Variants in ADAMTS12 observed in about 807,000 individuals in gnomAD.
The protein encoded by ADAMTS12 is ADAM metallopeptidase with thrombospondin type 1 motif 12.
In ADAMTS12, 118 loss-of-function variants were observed where a neutral mutation model predicts 167.8. The ratio of observed to expected loss-of-function variants is 0.70; its 90% CI spans 0.61 to 0.82. The LOEUF is 0.82. Among genes scored for constraint, ADAMTS12 ranks in the 40% least tolerant of loss-of-function variants. The probability of loss-of-function intolerance (pLI) is 0.00; values close to 1 mark genes in which losing one functional copy is unlikely to be tolerated. For missense variants in ADAMTS12, 1,916 were observed against 1,998.8 expected (o/e 0.96, Z 0.79); for synonymous variants, 704 against 716.9 (o/e 0.98, Z 0.29).
intron 2 of ADAMTS12, among the ~76,000 whole-genome samples, chr5:33,872,427 G>C (rs1750073855): frequency 6.6e-6 from 1 of 151,928 alleles, no homozygotes; most frequent in Non-Finnish European, 1.5e-5. Flanking sequence ...CACCCCTGTA[G>C]TCCCAGCTAC....
At chr5:33,738,326 G>C (rs930516432) in intron 3 of ADAMTS12, among the ~76,000 whole-genome samples, 2 of 151,236 alleles carry the variant, frequency 1.3e-5, no homozygotes, top group Non-Finnish European at 3.0e-5. Flanking sequence ...TTGTTTGTTT[G>C]GTTACTCAGG....
chr5:33,535,020 G>C, intron 22 of ADAMTS12, 28 bp from the exon 23 acceptor site: 1 of 1,571,280 alleles, frequency 6.4e-7, no homozygotes, highest in Non-Finnish European at 8.6e-7. Flanking sequence ...CAGAGAGTCA[G>C]AAGTCCTCCC....
intron 2 of ADAMTS12, among the ~76,000 whole-genome samples, chr5:33,785,348 C>T (rs1322836004): frequency 6.6e-6 from 1 of 151,894 alleles, no homozygotes; most frequent in African/African-American, 2.4e-5. Context: ...AAACTTTGCT[C>T]TCAAAATATG....
At chr5:33,680,387 A>T (rs902871403) in intron 5 of ADAMTS12, among the ~76,000 whole-genome samples, 1 of 152,202 alleles carries the variant, frequency 6.6e-6, no homozygotes, top group South Asian at 2.1e-4. Context: ...TGGAAGCCAC[A>T]TTATGAAATC....
chr5:33,792,788 T>G (rs1370388106), intron 2 of ADAMTS12, among the ~76,000 whole-genome samples: 1 of 152,252 alleles, frequency 6.6e-6, no homozygotes, highest in Non-Finnish European at 1.5e-5. Flanking sequence ...AGGGACAACT[T>G]GGTGAGCAGA....
chr5:33,545,132 G>T (rs1428663003), intron 22 of ADAMTS12, among the ~76,000 whole-genome samples: 2 of 152,174 alleles, frequency 1.3e-5, no homozygotes, highest in East Asian at 3.8e-4. Context: ...CTAATATCCA[G>T]AATCTGCAAA....
At chr5:33,704,882 T>C (rs1307808518) in intron 3 of ADAMTS12, among the ~76,000 whole-genome samples, 2 of 152,154 alleles carry the variant, frequency 1.3e-5, no homozygotes, top group Non-Finnish European at 2.9e-5. Context: ...CCTATACTTT[T>C]GGTTTTATAA....
intron 1 of ADAMTS12, among the ~76,000 whole-genome samples, chr5:33,888,934 C>CTGGA (rs1191204123): frequency 6.6e-6 from 1 of 152,228 alleles, no homozygotes; most frequent in Non-Finnish European, 1.5e-5. Context: ...CCAGAAAGGA[C>CTGGA]TGGATTTATC....
At chr5:33,688,622 A>G (rs1239054472) in intron 3 of ADAMTS12, among the ~76,000 whole-genome samples, 2 of 152,212 alleles carry the variant, frequency 1.3e-5, no homozygotes, top group African/African-American at 4.8e-5. Flanking sequence ...GCCTTGACGA[A>G]GCCACACAGA....
At chr5:33,759,501 A>C (rs1338535798) in intron 2 of ADAMTS12, among the ~76,000 whole-genome samples, 1 of 152,190 alleles carries the variant, frequency 6.6e-6, no homozygotes, top group Non-Finnish European at 1.5e-5. Context: ...TGCTGACAAG[A>C]ACTAAATAAG....
At chr5:33,833,788 T>G (rs921064135) in intron 2 of ADAMTS12, among the ~76,000 whole-genome samples, 1 of 152,290 alleles carries the variant, frequency 6.6e-6, no homozygotes. Context: ...AAAAAATTCA[T>G]GACTCGGGAA....
chr5:33,772,230 G>C (rs947224327), intron 2 of ADAMTS12, among the ~76,000 whole-genome samples: 4 of 152,088 alleles, frequency 2.6e-5, no homozygotes, highest in African/African-American at 9.7e-5. Flanking sequence ...CCTTGCACAA[G>C]AGCTACCATA....
chr5:33,864,274 G>A (rs1271365406), intron 2 of ADAMTS12, among the ~76,000 whole-genome samples: 2 of 152,088 alleles, frequency 1.3e-5, no homozygotes, highest in South Asian at 2.1e-4. Context: ...AATGCAAATC[G>A]AAACCACAAT....
intron 12 of ADAMTS12, among the ~76,000 whole-genome samples, chr5:33,631,706 A>G (rs1026337782): frequency 1.3e-5 from 2 of 152,254 alleles, no homozygotes; most frequent in African/African-American, 4.8e-5. Context: ...AAAAATTTTA[A>G]TAGTGAATAC....
At chr5:33,594,941 T>C (rs967371998) in intron 17 of ADAMTS12, among the ~76,000 whole-genome samples, 6 of 152,132 alleles carry the variant, frequency 3.9e-5, no homozygotes, top group African/African-American at 9.7e-5. Flanking sequence ...TGTTTGAGTC[T>C]CCCCCTTGTT....
rs1279275201 is a variant in ADAMTS12, at chr5:33,615,909, C to T, written c.2307G>A (p.Gly769=). ...CTTTCCTGTCATACTGAAAGACAGTCCCTGCCAGCTTATAGTTCCCGTTCC... is the reference window on the plus strand; with the variant it reads ...CTTTCCTGTCATACTGAAAGACAGTTCCTGCCAGCTTATAGTTCCCGTTCC... ...IQWNGNYKLA[G]TVFQYDRKGD... is the part of the protein sequence containing the mutation. The change falls in exon 15 of 24, where the codon GGG becomes GGA. Residue 769 remains glycine, a synonymous_variant. Coordinates refer to ENST00000504830, the MANE Select transcript of ADAMTS12 (RefSeq NM_030955.4). 2.5e-6 allele frequency: 4 copies of T among 1,614,112 alleles called. No individual in the cohort carries two copies. The highest frequency in any genetic ancestry group is 4.5e-5 in the East Asian group (2 of 44,876).
At position 33,734,824 on chromosome 5, in the gene ADAMTS12, C is replaced by A. The variant is rs182824325; in HGVS notation, c.634+16580G>T. Among the ~76,000 whole-genome samples the A allele has an allele frequency of 9.5e-4, 144 of 152,266 alleles. 1 individual carries two copies. The Middle Eastern group carries it at 0.017, about 18-fold the overall frequency. ...GTCTGCTCAGGGCTTGGGAAATGTT[C>A]CAGAGCCTGGCTGAAGGAGGAGCTT... On this transcript the variant is annotated intron_variant, in intron 3 of 23. Coordinates refer to ENST00000504830, the MANE Select transcript of ADAMTS12 (RefSeq NM_030955.4).
Position 33,831,851 on chromosome 5 carries a change from A to G in ADAMTS12, c.489+49268T>C, listed in dbSNP as rs1001049071. ...TCCAGGTGGCAGAGACAGTCATGAA[A>G]GCCCTGCTCTATGGCCGAGGCCACT... On this transcript the variant is annotated intron_variant, in intron 2 of 23. Transcript: ENST00000504830. 3.3e-5 allele frequency among the ~76,000 whole-genome samples: 5 copies of G among 152,210 alleles called. No individual in the cohort carries two copies. The East Asian group carries it at 9.6e-4, about 29-fold the overall frequency.
intron 22 of ADAMTS12, among the ~76,000 whole-genome samples, chr5:33,544,304 G>A (rs1228916796): frequency 7.2e-5 from 11 of 152,078 alleles, no homozygotes; most frequent in Non-Finnish European, 1.5e-4. Flanking sequence ...CAACTTACAA[G>A]GTATGTGATG....
Sources: gnomAD v4.1 joint callset for allele counts (sites outside exome capture counted in the v4.1 genomes callset) on GRCh38, gnomAD v4.1.1 for gene constraint, MANE v1.5 for transcripts, NCBI Gene and HGNC (gene_info 2026-07-23, HGNC 2026-07-21) for gene names.